ACTR3C: variants seen among roughly 807,000 people sequenced by gnomAD.
ACTR3C encodes the protein actin-related protein 3C.
ACTR3C carries 18 observed loss-of-function variants against 26.3 expected under a neutral mutation model. The ratio of observed to expected loss-of-function variants is 0.68; its 90% CI spans 0.47 to 1.01. The LOEUF (loss-of-function observed/expected upper bound fraction) is 1.01, where lower values mean the gene tolerates loss of function less well. Among genes scored for constraint, ACTR3C ranks in the 50% least tolerant of loss-of-function variants. The probability of loss-of-function intolerance (pLI) is 0.00; values close to 1 mark genes in which losing one functional copy is unlikely to be tolerated. For missense variants in ACTR3C, 184 were observed against 250.7 expected (o/e 0.73, Z 1.80); for synonymous variants, 55 against 94.5 (o/e 0.58, Z 2.42).
At chr7:150,316,049 T>C (rs889394282) in intron 1 of ACTR3C, among the ~76,000 whole-genome samples, 1 of 152,106 alleles carries the variant, frequency 6.6e-6, no homozygotes, top group African/African-American at 2.4e-5. Context: ...AATACGAAAT[T>C]AGCTGGGCAT....
At chr7:150,284,398 T>A (rs1172272816) in intron 6 of ACTR3C, among the ~76,000 whole-genome samples, 1 of 151,788 alleles carries the variant, frequency 6.6e-6, no homozygotes, top group Non-Finnish European at 1.5e-5. Context: ...ACAAAAAAAT[T>A]CGCTGGGCGT....
the ACTR3C span, among the ~76,000 whole-genome samples, chr7:150,082,890 T>C: frequency 6.6e-6 from 1 of 151,950 alleles, no homozygotes; most frequent in Non-Finnish European, 1.5e-5. Flanking sequence ...AGGATAAGGT[T>C]TTGGCTAGGT....
the ACTR3C span, among the ~76,000 whole-genome samples, chr7:150,196,353 A>G: frequency 6.6e-6 from 1 of 152,134 alleles, no homozygotes. Context: ...ATCCATCTTT[A>G]TATTTATTAA....
the ACTR3C span, among the ~76,000 whole-genome samples, chr7:150,224,252 G>A: frequency 6.6e-6 from 1 of 152,174 alleles, no homozygotes; most frequent in Admixed American, 6.5e-5. Flanking sequence ...GCCTTGTCAG[G>A]AGCAGCCTTC....
the ACTR3C span, among the ~76,000 whole-genome samples, chr7:149,884,437 C>G: frequency 1.3e-5 from 2 of 152,122 alleles, no homozygotes; most frequent in Non-Finnish European, 2.9e-5. Flanking sequence ...TGACAAAGTG[C>G]TCAACAGTGT....
the ACTR3C span, among the ~76,000 whole-genome samples, chr7:149,992,800 G>A: frequency 8.3e-4 from 127 of 152,304 alleles, no homozygotes; most frequent in Admixed American, 7.6e-3. Flanking sequence ...ACATGCTCAC[G>A]AGGTGAAGTC....
chr7:149,920,498 A>T, the ACTR3C span, among the ~76,000 whole-genome samples: 126 of 150,726 alleles, frequency 8.4e-4, no homozygotes, highest in African/African-American at 2.9e-3. Flanking sequence ...AGGGGGACAG[A>T]GACAGGGTCT....
chr7:149,983,429 T>G, the ACTR3C span, among the ~76,000 whole-genome samples: 1 of 15,600 alleles, frequency 6.4e-5, no homozygotes, highest in Non-Finnish European at 1.7e-4. Flanking sequence ...GGTGTGTGTG[T>G]TGTGTGTATG....
At chr7:149,955,741 G>T in the ACTR3C span, among the ~76,000 whole-genome samples, 113 of 152,152 alleles carry the variant, frequency 7.4e-4, no homozygotes, top group Non-Finnish European at 1.4e-3. Context: ...GCCAACAGTA[G>T]CCCACACACC....
In ACTR3C at chr7:150,272,517, T is replaced by G. The variant is rs1417205274; in HGVS notation, c.564+12236A>C. The stretch of plus-strand genomic sequence containing the variant: ...GCTTTGGTTTCTTATCACCTATGCT[T>G]GTTTCACCTTCAGAGTGAGGAAAAA... On this transcript the variant is annotated intron_variant, in intron 6 of 7. Coordinates refer to ENST00000683684, the MANE Select transcript of ACTR3C (RefSeq NM_001164458.2). 2.2e-5 allele frequency among the ~76,000 whole-genome samples: 3 copies of G among 139,328 alleles called. 1 individual carries two copies. Among genetic ancestry groups the G allele is most frequent in the Non-Finnish European group, 4.5e-5 (3 of 67,152 alleles). The allele number at this position is 139,328 out of a possible 152,430, so 91.4% of individuals were successfully genotyped here. A position where few individuals can be genotyped will look rare whatever the true frequency, so the allele number is the denominator to read the frequency against.
the ACTR3C span, among the ~76,000 whole-genome samples, chr7:149,995,661 C>T: frequency 6.6e-6 from 1 of 152,228 alleles, no homozygotes; most frequent in Admixed American, 6.5e-5. Flanking sequence ...GGAAGCTTTC[C>T]AGAACACCAC....
the ACTR3C span, among the ~76,000 whole-genome samples, chr7:150,192,776 C>A: frequency 6.6e-6 from 1 of 152,328 alleles, no homozygotes; most frequent in South Asian, 2.1e-4. Context: ...CATGGTGAAC[C>A]TTTTGTCCTT....
At chr7:150,195,140 C>A in the ACTR3C span, among the ~76,000 whole-genome samples, 17 of 141,176 alleles carry the variant, frequency 1.2e-4, no homozygotes, top group Non-Finnish European at 2.3e-4. Context: ...TATATATATA[C>A]TTTCTGTGAA....
the ACTR3C span, among the ~76,000 whole-genome samples, chr7:150,124,992 C>T: frequency 6.6e-6 from 1 of 152,186 alleles, no homozygotes; most frequent in Non-Finnish European, 1.5e-5. Flanking sequence ...CGGCTAGAGC[C>T]ATTATTTGAT....
chr7:150,259,066 G>T (rs182437230), intron 6 of ACTR3C, among the ~76,000 whole-genome samples: 1 of 151,530 alleles, frequency 6.6e-6, no homozygotes, highest in East Asian at 1.9e-4. Context: ...TTGCCTCAGG[G>T]TCATATTAAT....
At chr7:149,992,829 A>G in the ACTR3C span, among the ~76,000 whole-genome samples, 3 of 152,202 alleles carry the variant, frequency 2.0e-5, no homozygotes, top group Admixed American at 1.3e-4. Context: ...GGCCATCTGC[A>G]AGCTCGGGAA....
At chr7:150,215,941 GAATAA>G in the ACTR3C span, among the ~76,000 whole-genome samples, 3 of 152,046 alleles carry the variant, frequency 2.0e-5, no homozygotes, top group Non-Finnish European at 2.9e-5. Flanking sequence ...TCCCAAGAAA[GAATAA>G]AATGTAAAAA....
the ACTR3C span, among the ~76,000 whole-genome samples, chr7:150,071,351 C>T: frequency 2.0e-5 from 3 of 150,252 alleles, no homozygotes; most frequent in African/African-American, 7.4e-5. Flanking sequence ...GTCTCGATCT[C>T]CTGACCTCGT....
At chr7:149,964,409 C>T in the ACTR3C span, among the ~76,000 whole-genome samples, 7 of 151,960 alleles carry the variant, frequency 4.6e-5, no homozygotes, top group Admixed American at 3.3e-4. Flanking sequence ...GCAGAGGTGT[C>T]GTCATGGGAA....
Sources: allele counts gnomAD v4.1 joint callset (sites outside exome capture counted in the v4.1 genomes callset), GRCh38; gene constraint gnomAD v4.1.1; transcripts MANE v1.5; gene names NCBI Gene and HGNC (gene_info 2026-07-23, HGNC 2026-07-21).